The following ZCCHC2 variants were observed in gnomAD, a reference collection of about 807,000 sequenced individuals.
The protein encoded by ZCCHC2 is zinc finger CCHC-type containing 2.
ZCCHC2 carries 39 observed loss-of-function variants against 103.6 expected under a neutral mutation model. That is an observed-to-expected ratio of 0.38 (90% CI 0.29 to 0.49). The LOEUF (loss-of-function observed/expected upper bound fraction) is 0.49, where lower values mean the gene tolerates loss of function less well. Among genes scored for constraint, ZCCHC2 ranks in the 20% least tolerant of loss-of-function variants. The probability of loss-of-function intolerance (pLI) is 0.96; values close to 1 mark genes in which losing one functional copy is unlikely to be tolerated. For synonymous variants in ZCCHC2, 687 were observed against 608.9 expected (o/e 1.13, Z -1.89); for missense variants, 1,483 against 1,491.0 (o/e 0.99, Z 0.09).
At chr18:62,566,173 AG>A (rs1916357563) in intron 11 of ZCCHC2, among the ~76,000 whole-genome samples, 4 of 152,154 alleles carry the variant, frequency 2.6e-5, no homozygotes, top group Admixed American at 2.6e-4. Flanking sequence ...TGAACCCGGG[AG>A]GCAGAGGTTG....
intron 4 of ZCCHC2, among the ~76,000 whole-genome samples, 162 bp downstream of exon 4, chr18:62,545,035 A>G (rs953617986): frequency 1.3e-5 from 2 of 152,332 alleles, no homozygotes; most frequent in Admixed American, 6.5e-5. Context: ...TATTCTAAAA[A>G]TGTTTTCTTA....
intron 12 of ZCCHC2, among the ~76,000 whole-genome samples, chr18:62,572,034 C>T (rs1204733284): frequency 1.3e-5 from 2 of 152,182 alleles, no homozygotes; most frequent in Non-Finnish European, 2.9e-5. Context: ...ATGAAAACAA[C>T]GTCTCACTGA....
In ZCCHC2 at chr18:62,573,475, G is replaced by A. The variant is rs73963458; in HGVS notation, c.1976-582G>A. Among the ~76,000 whole-genome samples the A allele has an allele frequency of 4.8e-3, 732 of 152,080 alleles. 9 individuals are homozygous for A. The highest frequency in any genetic ancestry group is 0.017 in the African/African-American group (697 of 41,466). On this transcript the variant is annotated intron_variant, in intron 12 of 13. Transcript: ENST00000269499. ...CTATTCCTGTTTCTTGTGTTCTAGC[G>A]TGTTTGTTTTATGATTAATAATAGC...
At chr18:62,571,430 C>T (rs1916596625) in intron 12 of ZCCHC2, among the ~76,000 whole-genome samples, 1 of 152,192 alleles carries the variant, frequency 6.6e-6, no homozygotes. Context: ...TCTTTTCTTA[C>T]AGATCGAGCT....
intron 1 of ZCCHC2, among the ~76,000 whole-genome samples, chr18:62,536,300 C>T (rs1053792111): frequency 6.6e-6 from 1 of 152,178 alleles, no homozygotes; most frequent in South Asian, 2.1e-4. Context: ...AGAATGCACT[C>T]CTACTAAAGT....
In ZCCHC2 at chr18:62,575,254, G is replaced by A. The variant is rs752840963; in HGVS notation, c.3173G>A (p.Ser1058Asn). ...ACTCTGCCATCCATTTGCAATGGCA[G>A]CTACCTCAACCAAGCACATCAGAGC... ...FFTLPSICNG[S>N]YLNQAHQSNG... is the part of the protein sequence containing the mutation. The change falls in exon 13 of 14, where the codon AGC becomes AAC. Residue 1058 changes from serine (S) to asparagine (N), a missense_variant. Coordinates refer to ENST00000269499, the MANE Select transcript of ZCCHC2 (RefSeq NM_017742.6). 6.2e-6 allele frequency: 10 copies of A among 1,613,868 alleles called. No individual in the cohort carries two copies. Among genetic ancestry groups the A allele is most frequent in the Non-Finnish European group, 7.6e-6 (9 of 1,179,898 alleles).
rs544864324 is a variant in ZCCHC2 at position 62,532,505 on chromosome 18, C to G, written c.940-7176C>G. Reference sequence around the variant, plus strand: ...ATCATACTATCTTTTCTTTGAGTGACTGATGGACCCTGGCCTCTAATAGGC... The same window carrying G: ...ATCATACTATCTTTTCTTTGAGTGAGTGATGGACCCTGGCCTCTAATAGGC... On this transcript the variant is annotated intron_variant, in intron 1 of 13. Transcript: ENST00000269499. Among the ~76,000 whole-genome samples, 36 of 152,340 alleles carry G rather than the reference C, an allele frequency of 2.4e-4. 1 individual carries two copies. The South Asian group carries it at 3.9e-3, about 17-fold the overall frequency.
At chr18:62,535,746 A>T (rs930058151) in intron 1 of ZCCHC2, among the ~76,000 whole-genome samples, 1 of 152,244 alleles carries the variant, frequency 6.6e-6, no homozygotes, top group East Asian at 1.9e-4. Flanking sequence ...GCCTAGATCC[A>T]CTGGGTGGGG....
chr18:62,583,545 C>A (rs1465417068), downstream of ZCCHC2, among the ~76,000 whole-genome samples: 1 of 152,192 alleles, frequency 6.6e-6, no homozygotes, highest in Non-Finnish European at 1.5e-5. Flanking sequence ...ATCTTTTTCA[C>A]TTCTCCATAC....
intron 4 of ZCCHC2, among the ~76,000 whole-genome samples, chr18:62,545,721 A>G (rs1915381067): frequency 6.6e-6 from 1 of 152,262 alleles, no homozygotes; most frequent in Non-Finnish European, 1.5e-5. Context: ...AAGTCCAGAA[A>G]CAAAACATTC....
chr18:62,585,107 A>G (rs1409573439), exon 15 of ZCCHC2: 2 of 152,218 alleles, frequency 1.3e-5, no homozygotes, highest in Non-Finnish European at 2.9e-5. Flanking sequence ...GGATTTGAGG[A>G]CGCGGGAGGG....
At chr18:62,573,978 G>A (rs745371378) in intron 12 of ZCCHC2, 79 bp from the exon 13 acceptor site, 219 of 1,378,760 alleles carry the variant, frequency 1.6e-4, no homozygotes, top group Non-Finnish European at 2.1e-4. Flanking sequence ...TTACTTTGAG[G>A]TATACTCAAT....
intron 4 of ZCCHC2, among the ~76,000 whole-genome samples, chr18:62,548,962 G>C (rs1915537205): frequency 6.6e-6 from 1 of 152,012 alleles, no homozygotes; most frequent in African/African-American, 2.4e-5. Flanking sequence ...GCTCACGCCT[G>C]TAATCCCAGC....
intron 7 of ZCCHC2, 130 bp from the exon 8 acceptor site, chr18:62,560,451 TTCTATG>T: frequency 1.9e-5 from 11 of 591,852 alleles, no homozygotes; most frequent in Non-Finnish European, 3.2e-5. Flanking sequence ...TTAAGATGTC[TTCTATG>T]TTGAGAAATG....
In ZCCHC2 at chr18:62,524,261, C is replaced by T. The variant is rs1413406805; in HGVS notation, c.837C>T (p.Thr279=). ...HPAFSFHQRV[T]LREHLERLRA... ...CTTTCTCCTTCCACCAGCGGGTCAC[C>T]CTGAGGGAACACTTGGAGAGGCTCC... Residue 279 remains threonine (T), a synonymous_variant, in exon 1 of 14, where the codon ACC becomes ACT. Coordinates refer to ENST00000269499, the MANE Select transcript of ZCCHC2 (RefSeq NM_017742.6). 3 of 1,550,112 alleles carry T rather than the reference C, an allele frequency of 1.9e-6. No individual in the cohort carries two copies. Among genetic ancestry groups the T allele is most frequent in the Non-Finnish European group, 2.6e-6 (3 of 1,146,690 alleles).
At chr18:62,533,913 A>AT (rs1914808457) in intron 1 of ZCCHC2, among the ~76,000 whole-genome samples, 1 of 149,470 alleles carries the variant, frequency 6.7e-6, no homozygotes, top group South Asian at 2.1e-4. Context: ...TCAGGCAGTG[A>AT]TTTTGTCTTA....
Position 62,523,688 on chromosome 18 carries a change from C to T in ZCCHC2, c.264C>T (p.Pro88=), listed in dbSNP as rs1243869685. ...GTATGCCGGGCGGCGGCGGGGGGCC[C>T]TCGGCGGCGCTGCGCGAGCAGGAGC... The part of the protein sequence containing the change: ...GAGMPGGGGG[P]SAALREQERV... Residue 88 remains proline, a synonymous_variant, in exon 1 of 14, where the codon CCC becomes CCT. Coordinates refer to ENST00000269499, the MANE Select transcript of ZCCHC2 (RefSeq NM_017742.6). The T allele has an allele frequency of 5.7e-6, 8 of 1,394,908 alleles. No homozygotes were observed. In the Admixed American group the frequency reaches 8.9e-5, roughly 16 times the overall value. The allele number at this position is 1,394,908 out of a possible 1,614,324, so 86.4% of individuals were successfully genotyped here.
chr18:62,553,180 G>C (rs957487863), intron 5 of ZCCHC2, among the ~76,000 whole-genome samples: 2 of 151,408 alleles, frequency 1.3e-5, no homozygotes, highest in African/African-American at 4.9e-5. Context: ...GTGTGTGTGT[G>C]TGTGTGTGTG....
chr18:62,526,846 C>G (rs1914432728), intron 1 of ZCCHC2: 1 of 151,746 alleles, frequency 6.6e-6, no homozygotes, highest in South Asian at 2.1e-4. Flanking sequence ...GACCGGCGCG[C>G]CGGCCCCGCC....
Sources: gnomAD v4.1 joint callset for allele counts (sites outside exome capture counted in the v4.1 genomes callset) on GRCh38, gnomAD v4.1.1 for gene constraint, MANE v1.5 for transcripts, NCBI Gene and HGNC (gene_info 2026-07-23, HGNC 2026-07-21) for gene names.